The following CPNE4 variants were observed in gnomAD, a reference collection of about 807,000 sequenced individuals.
CPNE4 encodes the protein copine 4, also known as copine-4.
A neutral mutation model predicts 67.9 loss-of-function variants in CPNE4; 25 were observed. The observed-to-expected ratio is 0.37, with a 90% CI of 0.27 to 0.51. The LOEUF (loss-of-function observed/expected upper bound fraction) is 0.51. Among genes scored for constraint, CPNE4 ranks in the 20% least tolerant of loss-of-function variants. The pLI, the probability that CPNE4 is intolerant of heterozygous loss-of-function variation, is 0.93. For synonymous variants in CPNE4, 242 were observed against 244.9 expected, an observed-to-expected ratio of 0.99 and a Z score of 0.11; for missense variants, 464 against 690.8, an observed-to-expected ratio of 0.67 and a Z score of 3.68.
chr3:131,696,640 C>T, intron 4 of CPNE4, 24 bp from the exon 5 acceptor site: 1 of 1,608,416 alleles, frequency 6.2e-7, no homozygotes, highest in Non-Finnish European at 8.5e-7. Flanking sequence ...CACACATCAG[C>T]TGCAATAGAG....
At chr3:132,039,445 T>C (rs553405105), upstream of CPNE4, 2 of 152,336 alleles carry the variant, frequency 1.3e-5, no homozygotes, top group Non-Finnish European at 2.9e-5. Flanking sequence ...AAGTCTTCCA[T>C]TGATTCAAGC....
In CPNE4 at chr3:131,690,485, A is replaced by G. The variant is rs557126373; in HGVS notation, c.508-4527T>C. ...ACAATGCTGGGATAACTGGCTAGCA[A>G]TATGCAGAAGACTGAAACTTGACCC... On this transcript the variant is annotated intron_variant, in intron 5 of 15. Transcript: ENST00000429747. 2.6e-3 allele frequency among the ~76,000 whole-genome samples: 390 copies of G among 152,324 alleles called. 1 individual carries two copies. The highest frequency in any genetic ancestry group is 6.8e-3 in the Middle Eastern group (2 of 294).
chr3:132,014,423 A>C (rs1364296557), intron 1 of CPNE4, among the ~76,000 whole-genome samples: 1 of 152,092 alleles, frequency 6.6e-6, no homozygotes, highest in East Asian at 1.9e-4. Flanking sequence ...GACCGAGGTA[A>C]GGGCTAGGGT....
At chr3:131,889,837 T>C (rs747465171) in intron 2 of CPNE4, among the ~76,000 whole-genome samples, 1 of 152,148 alleles carries the variant, frequency 6.6e-6, no homozygotes, top group Admixed American at 6.5e-5. Flanking sequence ...GGACACACAA[T>C]GGAGAAGGAT....
Position 131,907,579 on chromosome 3 carries a change from T to C in CPNE4, c.-1-2135A>G, listed in dbSNP as rs374708418. Among the ~76,000 whole-genome samples the C allele has an allele frequency of 8.4e-4, 128 of 152,198 alleles. 1 individual carries two copies. In the South Asian group the frequency reaches 0.025, roughly 30 times the overall value. ...GCATGCTTATTCATTTATGTATTTA[T>C]GTATTTCACACACAAGCACACACAC... On this transcript the variant is annotated intron_variant, in intron 1 of 15. Coordinates refer to ENST00000429747, the MANE Select transcript of CPNE4 (RefSeq NM_130808.3).
chr3:131,752,591 G>A (rs1057135733), intron 2 of CPNE4, among the ~76,000 whole-genome samples: 1 of 152,054 alleles, frequency 6.6e-6, no homozygotes, highest in Non-Finnish European at 1.5e-5. Context: ...GTATTCTTAT[G>A]TTTGTTTTAC....
chr3:131,572,206 T>A (rs1937371893), intron 10 of CPNE4, among the ~76,000 whole-genome samples: 1 of 152,058 alleles, frequency 6.6e-6, no homozygotes, highest in Non-Finnish European at 1.5e-5. Context: ...TATTTTGTAT[T>A]GGTCAGAGCC....
chr3:131,901,781 G>T (rs1018524244), intron 2 of CPNE4, among the ~76,000 whole-genome samples: 6 of 152,112 alleles, frequency 3.9e-5, no homozygotes. Context: ...TCACCCAGAG[G>T]AGTGCTGGCT....
At chr3:131,708,195 A>C (rs143026794) in intron 3 of CPNE4, among the ~76,000 whole-genome samples, 123 of 152,070 alleles carry the variant, frequency 8.1e-4, no homozygotes, top group African/African-American at 2.8e-3. Flanking sequence ...TGGGATAGAG[A>C]GTGAATGAGA....
intron 1 of CPNE4, among the ~76,000 whole-genome samples, chr3:131,914,746 G>A (rs2107796096): frequency 6.6e-6 from 1 of 152,336 alleles, no homozygotes; most frequent in Non-Finnish European, 1.5e-5. Flanking sequence ...GGAGGCCAAG[G>A]TGGGTGGATC....
intron 2 of CPNE4, among the ~76,000 whole-genome samples, chr3:131,735,577 CCTCT>C (rs2082215589): frequency 6.6e-6 from 1 of 152,150 alleles, no homozygotes; most frequent in Non-Finnish European, 1.5e-5. Flanking sequence ...CTTGTTTAGC[CCTCT>C]CTTTCTCTGT....
intron 7 of CPNE4, among the ~76,000 whole-genome samples, chr3:131,661,239 A>C (rs902558436): frequency 3.3e-5 from 5 of 152,188 alleles, no homozygotes; most frequent in Admixed American, 6.5e-5. Context: ...CTGTTTTTTA[A>C]ATACTGAAGA....
chr3:131,553,243 G>T (rs1245090308), intron 12 of CPNE4, among the ~76,000 whole-genome samples: 2 of 152,044 alleles, frequency 1.3e-5, no homozygotes, highest in South Asian at 4.1e-4. Context: ...ATATTTCCAA[G>T]CTCTGACTCT....
intron 10 of CPNE4, among the ~76,000 whole-genome samples, chr3:131,567,138 G>A (rs1937099550): frequency 6.6e-6 from 1 of 151,814 alleles, no homozygotes; most frequent in Admixed American, 6.6e-5. Context: ...AAGTGTTAAG[G>A]GTGTTCTGTG....
intron 1 of CPNE4, among the ~76,000 whole-genome samples, chr3:131,953,767 A>G (rs1000427426): frequency 6.6e-6 from 1 of 152,226 alleles, no homozygotes; most frequent in Non-Finnish European, 1.5e-5. Context: ...ATGGGGGTGA[A>G]GAGAGGTTGG....
intron 1 of CPNE4, among the ~76,000 whole-genome samples, chr3:131,975,334 T>C (rs905333406): frequency 6.6e-6 from 1 of 152,168 alleles, no homozygotes; most frequent in African/African-American, 2.4e-5. Context: ...CATGGTGTGA[T>C]AGAAAAACCC....
chr3:131,603,210 A>G (rs1939305593), intron 7 of CPNE4, among the ~76,000 whole-genome samples: 1 of 152,216 alleles, frequency 6.6e-6, no homozygotes, highest in African/African-American at 2.4e-5. Context: ...GTGTTGGGAA[A>G]TGATATATGT....
At chr3:131,801,247 G>A (rs2084088138) in intron 2 of CPNE4, among the ~76,000 whole-genome samples, 1 of 150,678 alleles carries the variant, frequency 6.6e-6, no homozygotes, top group African/African-American at 2.4e-5. Context: ...AAAAGCTTAT[G>A]CTGCTTTCCA....
At chr3:131,956,152 TAAATA>T (rs754401027) in intron 1 of CPNE4, among the ~76,000 whole-genome samples, 2 of 152,214 alleles carry the variant, frequency 1.3e-5, no homozygotes, top group South Asian at 4.1e-4. Context: ...TTTATGGTCT[TAAATA>T]AGATCAGTCA....
Sources: allele counts gnomAD v4.1 joint callset (sites outside exome capture counted in the v4.1 genomes callset), GRCh38; gene constraint gnomAD v4.1.1; transcripts MANE v1.5; gene names NCBI Gene and HGNC (gene_info 2026-07-23, HGNC 2026-07-21).